Variants in KAZN observed in about 807,000 individuals in gnomAD.
The protein encoded by KAZN is kazrin.
A neutral mutation model predicts 87.4 loss-of-function variants in KAZN; 40 were observed. That is an observed-to-expected ratio of 0.46 (90% CI 0.36 to 0.60). The LOEUF is 0.60. Among genes scored for constraint, KAZN ranks in the 20% least tolerant of loss-of-function variants. KAZN has a pLI of 0.00. For synonymous variants in KAZN, 466 were observed against 458.3 expected (o/e 1.02, Z -0.22); for missense variants, 898 against 1,073.9 (o/e 0.84, Z 2.29).
chr1:14,534,883 C>G (rs1672399666), intron 2 of KAZN, among the ~76,000 whole-genome samples: 1 of 152,108 alleles, frequency 6.6e-6, no homozygotes, highest in African/African-American at 2.4e-5. Context: ...CTCCTCTGAG[C>G]CTGGCAGAGC....
rs576002164 is a variant in KAZN, at chr1:14,605,607, G to A, written c.226+6384G>A. On this transcript the variant is annotated intron_variant, in intron 1 of 14. Transcript: ENST00000376030. ...AATATTAAGAAAATCATAAGGAAGA[G>A]AAAATATATTTGCTATTCATTAAGT... 4.6e-5 allele frequency among the ~76,000 whole-genome samples: 7 copies of A among 152,216 alleles called. No homozygotes were observed. The South Asian group carries it at 1.2e-3, about 27-fold the overall frequency.
At chr1:14,456,791 A>G (rs530002970) in intron 2 of KAZN, among the ~76,000 whole-genome samples, 2 of 152,298 alleles carry the variant, frequency 1.3e-5, no homozygotes, top group South Asian at 4.1e-4. Flanking sequence ...GGGTCAAAAA[A>G]ATATGCAGCC....
chr1:14,867,725 C>CA (rs1491470500), intron 1 of KAZN, among the ~76,000 whole-genome samples: 25 of 16,240 alleles, frequency 1.5e-3, no homozygotes, highest in African/African-American at 4.0e-3. Context: ...TTTGAAGACA[C>CA]CCCCCCCCCC....
chr1:14,383,101 G>A lies in KAZN; in HGVS notation c.249+202509G>A, dbSNP rs1661521658. Among the ~76,000 whole-genome samples, 3 of 151,972 alleles carry A rather than the reference G, an allele frequency of 2.0e-5. No homozygotes were observed. The South Asian group carries it at 6.2e-4, about 32-fold the overall frequency. On this transcript the variant is annotated intron_variant, in intron 2 of 16. Transcript: ENST00000636203. ...TGAGCATTGTTTCATGTGTTTTTTG[G>A]CTGCATAAATGTCTTCTTTTGAGAA...
At chr1:14,304,712 A>T (rs989050497) in intron 2 of KAZN, 8 of 397,960 alleles carry the variant, frequency 2.0e-5, no homozygotes, top group African/African-American at 4.1e-5. Flanking sequence ...TCGTATAACC[A>T]CTCGAAATCT....
chr1:14,552,434 C>G (rs78222438), intron 2 of KAZN, among the ~76,000 whole-genome samples: 1 of 152,216 alleles, frequency 6.6e-6, no homozygotes, highest in Non-Finnish European at 1.5e-5. Context: ...GCTCCCCTTC[C>G]GGCAACCGGC....
At chr1:14,265,774 A>G (rs1358738484) in intron 2 of KAZN, among the ~76,000 whole-genome samples, 1 of 152,244 alleles carries the variant, frequency 6.6e-6, no homozygotes, top group Non-Finnish European at 1.5e-5. Flanking sequence ...TCCAGAACTC[A>G]GGACTCCTAT....
intron 1 of KAZN, among the ~76,000 whole-genome samples, chr1:14,114,682 T>C (rs1339122283): frequency 6.6e-6 from 1 of 152,196 alleles, no homozygotes; most frequent in African/African-American, 2.4e-5. Context: ...GGAAAACTGA[T>C]TAGATGGAAA....
intron 2 of KAZN, among the ~76,000 whole-genome samples, chr1:14,350,414 C>T (rs7355173): frequency 0.25 from 38,501 of 152,152 alleles, 5,233 homozygotes; most frequent in Non-Finnish European, 0.31. Context: ...AGCCTGGTTC[C>T]TCATTATGGC....
At chr1:14,116,409 G>A (rs1203444132) in intron 1 of KAZN, among the ~76,000 whole-genome samples, 1 of 152,180 alleles carries the variant, frequency 6.6e-6, no homozygotes, top group Non-Finnish European at 1.5e-5. Flanking sequence ...TTGGGTCTTG[G>A]CTTCAGAGGG....
chr1:14,968,327 G>A (rs1664673305), intron 2 of KAZN, among the ~76,000 whole-genome samples: 1 of 152,128 alleles, frequency 6.6e-6, no homozygotes. Flanking sequence ...GAGCTCCGGC[G>A]GTAATGTGAG....
intron 2 of KAZN, among the ~76,000 whole-genome samples, chr1:14,360,659 TTCCTGTTTG>T (rs1207948682): frequency 6.9e-6 from 1 of 145,306 alleles, no homozygotes; most frequent in African/African-American, 2.5e-5. Flanking sequence ...TGTTATGCTA[TTCCTGTTTG>T]TTAATTTTCC....
intron 1 of KAZN, among the ~76,000 whole-genome samples, chr1:14,822,822 T>C (rs1572574337): frequency 6.6e-6 from 1 of 152,106 alleles, no homozygotes; most frequent in East Asian, 1.9e-4. Flanking sequence ...GGCCCACACA[T>C]GAAGACAGGG....
At chr1:13,961,864 T>C (rs1046108771) in intron 1 of KAZN, among the ~76,000 whole-genome samples, 6 of 152,168 alleles carry the variant, frequency 3.9e-5, no homozygotes, top group African/African-American at 1.4e-4. Flanking sequence ...TCATATTGAA[T>C]GTGAATGTCA....
chr1:14,141,068 G>A (rs1182382370), intron 1 of KAZN, among the ~76,000 whole-genome samples: 1 of 151,960 alleles, frequency 6.6e-6, no homozygotes, highest in Non-Finnish European at 1.5e-5. Context: ...GCTGCCAAAA[G>A]CTTTCCTCCC....
chr1:13,990,770 G>T (rs761458385), intron 1 of KAZN, among the ~76,000 whole-genome samples: 5 of 152,122 alleles, frequency 3.3e-5, no homozygotes, highest in Admixed American at 2.6e-4. Context: ...GCTTTGAAAC[G>T]CATGACTAAA....
intron 1 of KAZN, among the ~76,000 whole-genome samples, chr1:14,064,859 T>G (rs1209164332): frequency 6.6e-6 from 1 of 152,164 alleles, no homozygotes; most frequent in Non-Finnish European, 1.5e-5. Context: ...CTGCATATCC[T>G]GGGGCTTGTC....
At chr1:14,221,226 A>T (rs1161598312) in intron 2 of KAZN, among the ~76,000 whole-genome samples, 1 of 152,022 alleles carries the variant, frequency 6.6e-6, no homozygotes, top group Non-Finnish European at 1.5e-5. Context: ...TATGTTTTAG[A>T]CTCAGTGCTT....
intron 2 of KAZN, among the ~76,000 whole-genome samples, chr1:14,264,874 C>G (rs1206159629): frequency 1.3e-5 from 2 of 152,116 alleles, no homozygotes; most frequent in Non-Finnish European, 2.9e-5. Context: ...ATAGGTAGTC[C>G]AGGAAAATCT....
Sources: allele counts gnomAD v4.1 joint callset (sites outside exome capture counted in the v4.1 genomes callset), GRCh38; gene constraint gnomAD v4.1.1; transcripts MANE v1.5; gene names NCBI Gene and HGNC (gene_info 2026-07-23, HGNC 2026-07-21).